Variants in CDH6 observed in about 807,000 individuals in gnomAD.
CDH6 encodes cadherin-6.
A neutral mutation model predicts 78.0 loss-of-function variants in CDH6; 31 were observed. The observed-to-expected ratio is 0.40, with a 90% CI of 0.30 to 0.54. CDH6 has a LOEUF of 0.54. CDH6 is among the 20% of genes least tolerant of loss of function. The probability of loss-of-function intolerance (pLI) is 0.56; values close to 1 mark genes in which losing one functional copy is unlikely to be tolerated. For missense variants in CDH6, 724 were observed against 975.9 expected (o/e 0.74, Z 3.44); for synonymous variants, 376 against 368.8 (o/e 1.02, Z -0.23).
At chr5:31,302,796 G>GAA (rs1561065960) in intron 6 of CDH6, among the ~76,000 whole-genome samples, 357 of 31,096 alleles carry the variant, frequency 0.011, 2 homozygotes, top group South Asian at 0.013. Context: ...GAGAGAGAGA[G>GAA]AGAGAAAGAA....
intron 1 of CDH6, among the ~76,000 whole-genome samples, chr5:31,224,487 A>G (rs1741092750): frequency 6.6e-6 from 1 of 152,226 alleles, no homozygotes; most frequent in African/African-American, 2.4e-5. Flanking sequence ...CTAAAGTAAT[A>G]TGGACAGCTA....
At chr5:31,219,782 T>C (rs1740959597) in intron 1 of CDH6, among the ~76,000 whole-genome samples, 1 of 152,218 alleles carries the variant, frequency 6.6e-6, no homozygotes, top group Non-Finnish European at 1.5e-5. Context: ...ATTCAGTAAG[T>C]ATTTATTGAA....
chr5:31,307,286 T>C (rs1300337253), intron 7 of CDH6, among the ~76,000 whole-genome samples: 1 of 152,218 alleles, frequency 6.6e-6, no homozygotes, highest in East Asian at 1.9e-4. Flanking sequence ...TTATTGCAGA[T>C]AAAAGAATGT....
chr5:31,210,602 A>T (rs1029190518), intron 1 of CDH6, among the ~76,000 whole-genome samples: 1 of 152,168 alleles, frequency 6.6e-6, no homozygotes, highest in African/African-American at 2.4e-5. Context: ...TGGTTTCAGG[A>T]CACCCCTCCT....
chr5:31,314,831 T>C (rs893385066), intron 8 of CDH6, among the ~76,000 whole-genome samples: 1 of 152,188 alleles, frequency 6.6e-6, no homozygotes, highest in Admixed American at 6.5e-5. Context: ...AAAAAAGTTT[T>C]TAAGATTTAA....
At position 31,328,486 on chromosome 5, in the gene CDH6, T is replaced by G. The variant is rs1199620793; in HGVS notation, c.*5178T>G. 1 of 207,206 alleles carries G rather than the reference T, an allele frequency of 4.8e-6. No individual in the cohort carries two copies. The highest frequency in any genetic ancestry group is 2.3e-5 in the African/African-American group (1 of 43,802). The allele number at this position is 207,206 out of a possible 1,614,324, so 12.8% of individuals were successfully genotyped here. A position where few individuals can be genotyped will look rare whatever the true frequency, so the allele number is the denominator to read the frequency against. ...AAAACTGACCTGCTCGGAAGAAACG[T>G]AGGAACGCTTCAAACCCACTGTAAT... On this transcript the variant is annotated 3_prime_UTR_variant, in exon 12 of 12. Coordinates refer to ENST00000265071, the MANE Select transcript of CDH6 (RefSeq NM_004932.4).
At chr5:31,272,300 G>T (rs963025979) in intron 2 of CDH6, among the ~76,000 whole-genome samples, 6 of 152,122 alleles carry the variant, frequency 3.9e-5, no homozygotes, top group Non-Finnish European at 8.8e-5. Flanking sequence ...AAACAAAGAG[G>T]TACATATTTT....
chr5:31,283,852 T>C (rs898290496), intron 2 of CDH6, among the ~76,000 whole-genome samples: 1 of 151,972 alleles, frequency 6.6e-6, no homozygotes, highest in East Asian at 1.9e-4. Flanking sequence ...TCTCACTCTG[T>C]CTCCCAGGCT....
chr5:31,216,063 TAGTC>T (rs1344175282), intron 1 of CDH6, among the ~76,000 whole-genome samples: 4 of 152,196 alleles, frequency 2.6e-5, no homozygotes, highest in African/African-American at 9.6e-5. Context: ...TTCTACAACA[TAGTC>T]TATTATATTA....
chr5:31,267,509 G>T lies in CDH6; in HGVS notation c.36G>T (p.Trp12Cys), dbSNP rs1322373527. 6.2e-7 allele frequency: 1 copy of T among 1,613,866 alleles called. No individual in the cohort carries two copies. Among genetic ancestry groups the T allele is most frequent in the African/African-American group, 1.3e-5 (1 of 74,838 alleles). ...RTYRYFLLLF[W>C]VGQPYPTLST... is the part of the protein sequence containing the mutation. ...ACCGCTACTTCTTGCTGCTCTTTTG[G>T]GTGGGCCAGCCCTACCCAACTCTCT... The change falls in exon 2 of 12, where the codon TGG becomes TGT. Residue 12 changes from tryptophan to cysteine, a missense_variant. Trp to Cys is a radical substitution (Grantham distance 215). Coordinates refer to ENST00000265071, the MANE Select transcript of CDH6 (RefSeq NM_004932.4).
chr5:31,248,847 A>T (rs910417783), intron 1 of CDH6, among the ~76,000 whole-genome samples: 3 of 152,202 alleles, frequency 2.0e-5, no homozygotes, highest in African/African-American at 7.2e-5. Context: ...TTTGAGGAAA[A>T]ATTCTAAATA....
chr5:31,203,430 ATAT>A (rs1411803133), intron 1 of CDH6, among the ~76,000 whole-genome samples: 1 of 116,378 alleles, frequency 8.6e-6, no homozygotes, highest in African/African-American at 3.4e-5. Flanking sequence ...CCAGAGTGTG[ATAT>A]TCCCCTTCCT....
intron 2 of CDH6, among the ~76,000 whole-genome samples, chr5:31,277,114 G>C (rs1318249582): frequency 1.3e-5 from 2 of 152,154 alleles, no homozygotes; most frequent in Non-Finnish European, 2.9e-5. Context: ...GCAATTCGGG[G>C]CATGAGTTTA....
At chr5:31,239,169 T>C (rs748926044) in intron 1 of CDH6, among the ~76,000 whole-genome samples, 2 of 152,074 alleles carry the variant, frequency 1.3e-5, no homozygotes, top group Non-Finnish European at 2.9e-5. Context: ...TTTGGAAAAA[T>C]AGTAGGAGAA....
At chr5:31,205,658 A>C (rs2111787368) in intron 1 of CDH6, among the ~76,000 whole-genome samples, 1 of 152,296 alleles carries the variant, frequency 6.6e-6, no homozygotes, top group South Asian at 2.1e-4. Flanking sequence ...TTTCTCTTAC[A>C]GTTTTAGTAG....
At chr5:31,273,981 A>G (rs1037144178) in intron 2 of CDH6, among the ~76,000 whole-genome samples, 2 of 152,182 alleles carry the variant, frequency 1.3e-5, no homozygotes, top group African/African-American at 4.8e-5. Context: ...ATGACCTGCA[A>G]TAATCTTTTC....
At chr5:31,286,255 G>C (rs1489813856) in intron 2 of CDH6, among the ~76,000 whole-genome samples, 1 of 152,154 alleles carries the variant, frequency 6.6e-6, no homozygotes, top group Non-Finnish European at 1.5e-5. Flanking sequence ...ATCTAGCTTG[G>C]AAAACAGCTG....
intron 1 of CDH6, among the ~76,000 whole-genome samples, chr5:31,219,126 C>T (rs1194821532): frequency 1.3e-5 from 2 of 152,198 alleles, no homozygotes; most frequent in Non-Finnish European, 2.9e-5. Flanking sequence ...AAGACTCAAA[C>T]ACACAAACAC....
intron 1 of CDH6, among the ~76,000 whole-genome samples, chr5:31,200,986 A>G (rs1363600710): frequency 6.6e-6 from 1 of 152,180 alleles, no homozygotes; most frequent in Non-Finnish European, 1.5e-5. Flanking sequence ...AGAGATGAAT[A>G]ACTTATCCAT....
Sources: gnomAD v4.1 joint callset for allele counts (sites outside exome capture counted in the v4.1 genomes callset) on GRCh38, gnomAD v4.1.1 for gene constraint, MANE v1.5 for transcripts, NCBI Gene and HGNC (gene_info 2026-07-23, HGNC 2026-07-21) for gene names.